PIK3CD: variants seen among roughly 807,000 people sequenced by gnomAD.
The protein encoded by PIK3CD is phosphatidylinositol-4,5-bisphosphate 3-kinase catalytic subunit delta.
Under a neutral mutation model 122.9 loss-of-function variants are expected in PIK3CD, and 20 were observed. That is an observed-to-expected ratio of 0.16 (90% CI 0.11 to 0.24). The LOEUF (loss-of-function observed/expected upper bound fraction) is 0.24. Among genes scored for constraint, PIK3CD ranks in the 10% least tolerant of loss-of-function variants. The probability of loss-of-function intolerance (pLI) is 1.00; values close to 1 mark genes in which losing one functional copy is unlikely to be tolerated. For synonymous variants in PIK3CD, 596 were observed against 593.4 expected, an observed-to-expected ratio of 1.00 and a Z score of -0.06; for missense variants, 787 against 1,406.3, an observed-to-expected ratio of 0.56 and a Z score of 7.04.
intron 1 of PIK3CD, among the ~76,000 whole-genome samples, chr1:9,683,327 A>G (rs987717929): frequency 1.3e-5 from 2 of 150,988 alleles, no homozygotes; most frequent in African/African-American, 4.9e-5. Context: ...AGTCCCAGCT[A>G]CTCGGGAGGC....
At chr1:9,667,908 G>GTT (rs745429754) in intron 1 of PIK3CD, among the ~76,000 whole-genome samples, 960 of 55,156 alleles carry the variant, frequency 0.017, 37 homozygotes, top group African/African-American at 0.045. Context: ...GCTAATTTTT[G>GTT]TTTTTTTTTT....
At chr1:9,695,169 G>A (rs1646355818) in intron 2 of PIK3CD, among the ~76,000 whole-genome samples, 1 of 152,112 alleles carries the variant, frequency 6.6e-6, no homozygotes, top group African/African-American at 2.4e-5. Flanking sequence ...AGAAGAGTTG[G>A]AAGAGTGAAA....
Position 9,718,155 on chromosome 1 carries a change from A to G in PIK3CD, c.1020+529A>G. 2.2e-6 allele frequency: 1 copy of G among 463,468 alleles called. No individual in the cohort carries two copies. Among genetic ancestry groups the G allele is most frequent in the South Asian group, 1.5e-5 (1 of 64,644 alleles). 28.7% of individuals were successfully genotyped at this position (463,468 alleles called of 1,614,324 possible). On this transcript the variant is annotated intron_variant, in intron 8 of 23. Coordinates refer to ENST00000377346, the MANE Select transcript of PIK3CD (RefSeq NM_005026.5). This position sits in a 1 kb window ranked among gnomAD's most constrained non-coding sequence, Gnocchi z 7.2. ...TGCTGGACATGATACCTGAGTCCTC[A>G]GAGGTTGGCCCTCCTGCCTGGAGTG... is the stretch of plus-strand genomic sequence containing the variant.
chr1:9,674,717 A>G (rs1305897297), intron 1 of PIK3CD, among the ~76,000 whole-genome samples: 1 of 146,564 alleles, frequency 6.8e-6, no homozygotes, highest in Non-Finnish European at 1.5e-5. Flanking sequence ...AAAAGAAACA[A>G]AAAGAAAAGA....
At chr1:9,682,486 C>T (rs1645793757) in intron 1 of PIK3CD, among the ~76,000 whole-genome samples, 1 of 151,948 alleles carries the variant, frequency 6.6e-6, no homozygotes. Flanking sequence ...GATCTGCCCA[C>T]CTCGGCCTCC....
At chr1:9,725,219 A>G (rs1649328333) in intron 23 of PIK3CD, among the ~76,000 whole-genome samples, 1 of 152,210 alleles carries the variant, frequency 6.6e-6, no homozygotes, top group South Asian at 2.1e-4. Context: ...TCAGGTGTCC[A>G]CTAGGGGGCC....
chr1:9,701,920 A>G (rs1646647233), intron 2 of PIK3CD, among the ~76,000 whole-genome samples: 2 of 152,026 alleles, frequency 1.3e-5, no homozygotes, highest in African/African-American at 2.4e-5. Context: ...CTAAGCAAAT[A>G]GGAGCTCGGT....
intron 1 of PIK3CD, among the ~76,000 whole-genome samples, chr1:9,678,812 C>T (rs985145142): frequency 1.3e-5 from 2 of 152,240 alleles, no homozygotes; most frequent in Admixed American, 6.5e-5. Context: ...AGACATTGCA[C>T]AAGTTTGCCC....
chr1:9,720,545 G>A lies in PIK3CD; in HGVS notation c.1471-66G>A, dbSNP rs940524812. On this transcript the variant is annotated intron_variant, in intron 11 of 23. Transcript: ENST00000377346. This position sits in a 1 kb window ranked among gnomAD's most constrained non-coding sequence, Gnocchi z 9.0. ...AAGGATGATTGGGGTGGCAATGCCC[G>A]GCCTGGGGGTCCTGCCCGGGCTGGT... 51 of 1,546,726 alleles carry A rather than the reference G, an allele frequency of 3.3e-5. No individual in the cohort carries two copies. In the Admixed American group the frequency reaches 7.9e-4, roughly 24 times the overall value.
chr1:9,631,613 G>A, the PIK3CD span, among the ~76,000 whole-genome samples: 2 of 152,168 alleles, frequency 1.3e-5, no homozygotes, highest in East Asian at 1.9e-4. Flanking sequence ...CTGAGATGGC[G>A]CCACTGCACT....
chr1:9,672,109 C>G (rs1008890679), intron 1 of PIK3CD, among the ~76,000 whole-genome samples: 8 of 152,164 alleles, frequency 5.3e-5, no homozygotes, highest in Non-Finnish European at 8.8e-5. Flanking sequence ...ATCCCTCCAG[C>G]CTGAAGAGAT....
chr1:9,719,860 C>A lies in PIK3CD; in HGVS notation c.1243-61C>A. The A allele has an allele frequency of 1.5e-6, 2 of 1,360,464 alleles. No individual in the cohort carries two copies. The highest frequency in any genetic ancestry group is 1.1e-6 in the Non-Finnish European group (1 of 949,662). 84.3% of individuals were successfully genotyped at this position (1,360,464 alleles called of 1,614,324 possible). On this transcript the variant is annotated intron_variant, in intron 9 of 23. Transcript: ENST00000377346. This position sits in a 1 kb window ranked among gnomAD's most constrained non-coding sequence, Gnocchi z 5.5. ...CTCGGGTGGGGTGCCTGGGGGAGGG[C>A]AGGGAAGCTGGGTCTGGAGGCCCCT...
chr1:9,642,567 A>T, the PIK3CD span, among the ~76,000 whole-genome samples: 1 of 150,884 alleles, frequency 6.6e-6, no homozygotes, highest in Non-Finnish European at 1.5e-5. Context: ...AATACAAAAA[A>T]TTAGCCGGGC....
intron 2 of PIK3CD, among the ~76,000 whole-genome samples, chr1:9,696,424 A>T (rs1166445183): frequency 3.9e-5 from 6 of 151,912 alleles, no homozygotes; most frequent in Admixed American, 2.6e-4. Flanking sequence ...CCATCTCTAC[A>T]AGAAATAATA....
Position 9,723,824 on chromosome 1 carries a change from C to T in PIK3CD, c.2595-145C>T, listed in dbSNP as rs1186512664. The stretch of plus-strand genomic sequence containing the variant: ...TTGGCTCTGGAATAGCGTCTGCAAG[C>T]GATGTCCAGCATTGTGTCCTCCATG... On this transcript the variant is annotated intron_variant, in intron 20 of 23. Transcript: ENST00000377346. This position sits in a 1 kb window ranked among gnomAD's most constrained non-coding sequence, Gnocchi z 4.9. 18 of 772,326 alleles carry T rather than the reference C, an allele frequency of 2.3e-5. No homozygotes were observed. The highest frequency in any genetic ancestry group is 8.8e-5 in the South Asian group (6 of 68,046). The allele number at this position is 772,326 out of a possible 1,614,324, so 47.8% of individuals were successfully genotyped here.
At position 9,689,750 on chromosome 1, in the gene PIK3CD, C is replaced by T. The variant is rs1646125176; in HGVS notation, c.-137-1717C>T. Among the ~76,000 whole-genome samples the T allele has an allele frequency of 6.6e-6, 1 of 151,348 alleles. No individual in the cohort carries two copies. Among genetic ancestry groups the T allele is most frequent in the Admixed American group, 6.6e-5 (1 of 15,236 alleles). Reference sequence around the variant, plus strand: ...CGGAGCCCACCTGTGCGGGCGTCTGCGGGGTCCCCGTGCCCCGCCCCCAGC... The same window carrying T: ...CGGAGCCCACCTGTGCGGGCGTCTGTGGGGTCCCCGTGCCCCGCCCCCAGC... On this transcript the variant is annotated intron_variant, in intron 1 of 23. Transcript: ENST00000377346. This position sits in a 1 kb window ranked among gnomAD's most constrained non-coding sequence, Gnocchi z 6.1.
chr1:9,690,190 A>T (rs1326097235), intron 1 of PIK3CD, among the ~76,000 whole-genome samples: 1 of 152,080 alleles, frequency 6.6e-6, no homozygotes. Context: ...CTTGAGCCCA[A>T]GGGGGCTAGA....
chr1:9,702,500 CTTTTTTTTTTTTTTTTT>C (rs60167511), intron 2 of PIK3CD, among the ~76,000 whole-genome samples: 297 of 25,822 alleles, frequency 0.012, 4 homozygotes, highest in Non-Finnish European at 0.024. Flanking sequence ...AAGAACTTTC[CTTTTTTTTTTTTTTTTT>C]TTTTTTTTTT....
At chr1:9,655,697 CTTTT>C (rs576002642) in intron 1 of PIK3CD, among the ~76,000 whole-genome samples, 1 of 120,756 alleles carries the variant, frequency 8.3e-6, no homozygotes, top group Admixed American at 9.2e-5. Context: ...CTTTTTTCTT[CTTTT>C]TTTTTTTTTT....
Sources: gnomAD v4.1 joint callset for allele counts (sites outside exome capture counted in the v4.1 genomes callset) on GRCh38, gnomAD v4.1.1 for gene constraint, Gnocchi (gnomAD v3.1) non-coding constraint, MANE v1.5 for transcripts, NCBI Gene and HGNC (gene_info 2026-07-23, HGNC 2026-07-21) for gene names.